The following TUBGCP3 variants were observed in gnomAD, a reference collection of about 807,000 sequenced individuals.
TUBGCP3 encodes the protein gamma-tubulin complex component 3.
In TUBGCP3, 50 loss-of-function variants were observed where a neutral mutation model predicts 123.1. That is an observed-to-expected ratio of 0.41 (90% CI 0.32 to 0.51). The LOEUF is 0.51. Among genes scored for constraint, TUBGCP3 ranks in the 20% least tolerant of loss-of-function variants. The pLI, the probability that TUBGCP3 is intolerant of heterozygous loss-of-function variation, is 0.36. For missense variants in TUBGCP3, 882 were observed against 1,127.0 expected (o/e 0.78, Z 3.11); for synonymous variants, 405 against 413.9 (o/e 0.98, Z 0.26).
At chr13:112,506,538 C>T (rs888495616) in intron 17 of TUBGCP3, among the ~76,000 whole-genome samples, 2 of 152,214 alleles carry the variant, frequency 1.3e-5, no homozygotes, top group Admixed American at 6.5e-5. Flanking sequence ...AGACCTGTGA[C>T]ATCTGCCGAG....
At chr13:112,573,137 G>A (rs1488307668) in intron 1 of TUBGCP3, among the ~76,000 whole-genome samples, 1 of 151,152 alleles carries the variant, frequency 6.6e-6, no homozygotes, top group Admixed American at 6.6e-5. Flanking sequence ...ACAACGTAGG[G>A]AATAAGAAAA....
At chr13:112,517,778 C>G (rs1306901965) in intron 16 of TUBGCP3, among the ~76,000 whole-genome samples, 4 of 152,180 alleles carry the variant, frequency 2.6e-5, no homozygotes, top group African/African-American at 9.6e-5. Flanking sequence ...GTAATCCTAG[C>G]TACTTGGGAG....
At chr13:112,549,108 G>A (rs993560554) in intron 8 of TUBGCP3, among the ~76,000 whole-genome samples, 3 of 152,188 alleles carry the variant, frequency 2.0e-5, no homozygotes, top group Non-Finnish European at 4.4e-5. Flanking sequence ...ATGATAGACT[G>A]GATTAAGAAA....
intron 3 of TUBGCP3, among the ~76,000 whole-genome samples, chr13:112,561,542 A>G (rs1365948333): frequency 6.6e-6 from 1 of 152,230 alleles, no homozygotes; most frequent in African/African-American, 2.4e-5. Context: ...GATGACACTC[A>G]GGTTCTCATG....
chr13:112,486,077 C>T lies in TUBGCP3; in HGVS notation c.2640G>A (p.Leu880=). Residue 880 remains leucine, a synonymous_variant, in exon 22 of 22, where the codon CTG becomes CTA. Transcript: ENST00000261965. ...DESLRFLSFR[L]DFNEHYKARE... ...TGGCTTTGTAATGCTCGTTGAAGTC[C>T]AGCCTGAAGCTAAGAAACCGAAGAC... The T allele has an allele frequency of 6.2e-7, 1 of 1,610,404 alleles. No homozygotes were observed. The highest frequency in any genetic ancestry group is 8.5e-7 in the Non-Finnish European group (1 of 1,177,170).
chr13:112,488,862 G>C (rs888649126), intron 21 of TUBGCP3, among the ~76,000 whole-genome samples: 2 of 143,526 alleles, frequency 1.4e-5, no homozygotes, highest in Non-Finnish European at 3.0e-5. Context: ...GCCACCCCCA[G>C]GTCCCCACAC....
chr13:112,543,611 G>A (rs1193503897), intron 11 of TUBGCP3, among the ~76,000 whole-genome samples: 2 of 152,182 alleles, frequency 1.3e-5, no homozygotes, highest in Non-Finnish European at 1.5e-5. Flanking sequence ...AAAGCAAACA[G>A]AAAAAATACA....
intron 21 of TUBGCP3, 44 bp downstream of exon 21, chr13:112,489,537 T>C (rs1879932085): frequency 1.5e-6 from 2 of 1,340,098 alleles, no homozygotes; most frequent in South Asian, 1.2e-5. Flanking sequence ...GTACAGAACA[T>C]GGGCAGAGTG....
chr13:112,569,738 C>A (rs984718853), intron 1 of TUBGCP3, among the ~76,000 whole-genome samples: 7 of 152,112 alleles, frequency 4.6e-5, no homozygotes, highest in African/African-American at 1.7e-4. Flanking sequence ...TTCAAAAACA[C>A]CATAAAATTG....
At chr13:112,507,220 T>TCG (rs1881363467) in intron 17 of TUBGCP3, among the ~76,000 whole-genome samples, 1 of 152,196 alleles carries the variant, frequency 6.6e-6, no homozygotes, top group Admixed American at 6.5e-5. Flanking sequence ...ATGCCACGAC[T>TCG]CGCGGGTCTC....
chr13:112,575,681 A>T (rs189411250), intron 1 of TUBGCP3, among the ~76,000 whole-genome samples: 1 of 152,390 alleles, frequency 6.6e-6, no homozygotes, highest in East Asian at 1.9e-4. Flanking sequence ...CATTCAGGAC[A>T]GACTGAATTG....
the TUBGCP3 span, among the ~76,000 whole-genome samples, chr13:112,595,430 C>T: frequency 6.6e-6 from 1 of 152,132 alleles, no homozygotes; most frequent in South Asian, 2.1e-4. Flanking sequence ...ATCTCCTGAC[C>T]TCGTGATCCA....
At chr13:112,595,535 ATG>A in the TUBGCP3 span, among the ~76,000 whole-genome samples, 8 of 152,160 alleles carry the variant, frequency 5.3e-5, no homozygotes, top group African/African-American at 1.9e-4. Flanking sequence ...TAGTGTATAT[ATG>A]TTTAAAATTG....
chr13:112,540,018 G>A (rs376249174), intron 11 of TUBGCP3, among the ~76,000 whole-genome samples: 12 of 66,950 alleles, frequency 1.8e-4, no homozygotes, highest in African/African-American at 9.2e-4. Flanking sequence ...GAATGAGGAC[G>A]TCAATGTAGT....
At chr13:112,490,128 T>C (rs2139184053) in intron 20 of TUBGCP3, among the ~76,000 whole-genome samples, 1 of 152,390 alleles carries the variant, frequency 6.6e-6, no homozygotes, top group African/African-American at 2.4e-5. Flanking sequence ...AGAATGCTTC[T>C]AGTTCCCTAA....
chr13:112,553,756 C>T (rs924286515), intron 8 of TUBGCP3, among the ~76,000 whole-genome samples: 2 of 152,234 alleles, frequency 1.3e-5, no homozygotes, highest in African/African-American at 4.8e-5. Context: ...AGCAGCTGGG[C>T]AGGGCCCCCT....
chr13:112,572,951 T>C (rs1435463883), intron 1 of TUBGCP3, among the ~76,000 whole-genome samples: 2 of 152,038 alleles, frequency 1.3e-5, no homozygotes, highest in Non-Finnish European at 2.9e-5. Flanking sequence ...AGATGACGTG[T>C]GCCTGTCCTC....
At chr13:112,580,076 CTT>C (rs1043737343) in intron 1 of TUBGCP3, among the ~76,000 whole-genome samples, 1 of 152,200 alleles carries the variant, frequency 6.6e-6, no homozygotes, top group African/African-American at 2.4e-5. Context: ...AGTCTCAAAA[CTT>C]TTGACTGAAC....
intron 14 of TUBGCP3, among the ~76,000 whole-genome samples, chr13:112,520,994 T>C (rs1876572924): frequency 6.6e-6 from 1 of 152,176 alleles, no homozygotes; most frequent in African/African-American, 2.4e-5. Context: ...ATAGCACGCA[T>C]GTGATACTTT....
Sources: allele counts gnomAD v4.1 joint callset (sites outside exome capture counted in the v4.1 genomes callset), GRCh38; gene constraint gnomAD v4.1.1; transcripts MANE v1.5; gene names NCBI Gene and HGNC (gene_info 2026-07-23, HGNC 2026-07-21).